The following EFNA5 variants were observed in gnomAD, a reference collection of about 807,000 sequenced individuals.
EFNA5 encodes ephrin-A5.
EFNA5 carries 5 observed loss-of-function variants against 22.9 expected under a neutral mutation model. That is an observed-to-expected ratio of 0.22 (90% confidence interval 0.11 to 0.46). The LOEUF (loss-of-function observed/expected upper bound fraction) is 0.46, where lower values mean the gene tolerates loss of function less well. EFNA5 is among the 20% of genes least tolerant of loss of function. EFNA5 has a pLI of 0.99. For missense variants in EFNA5, 237 were observed against 293.3 expected (o/e 0.81, Z 1.40); for synonymous variants, 113 against 112.2 (o/e 1.01, Z -0.04).
intron 1 of EFNA5, among the ~76,000 whole-genome samples, chr5:107,636,354 G>A (rs1481752148): frequency 6.6e-6 from 1 of 152,134 alleles, no homozygotes; most frequent in East Asian, 1.9e-4. Context: ...CAAGGATGGC[G>A]AACAGAATTT....
Position 107,531,209 on chromosome 5 carries a change from T to C in EFNA5, c.126-103700A>G, listed in dbSNP as rs146951741. ...ATTCTGGTTAACTGTAAGCTCACCC[T>C]GGATCAGTGACACACAGCTGCCTCT... On this transcript the variant is annotated intron_variant, in intron 1 of 4. Transcript: ENST00000333274. Among the ~76,000 whole-genome samples, 435 of 152,358 alleles carry C rather than the reference T, an allele frequency of 2.9e-3. 1 individual carries two copies. The highest frequency in any genetic ancestry group is 0.01 in the African/African-American group (421 of 41,588).
chr5:107,643,086 C>G (rs1353047593), intron 1 of EFNA5, among the ~76,000 whole-genome samples: 1 of 152,004 alleles, frequency 6.6e-6, no homozygotes, highest in Non-Finnish European at 1.5e-5. Context: ...TTAGGAGGGC[C>G]TCAAAAAACA....
intron 1 of EFNA5, among the ~76,000 whole-genome samples, chr5:107,473,762 G>A (rs903858833): frequency 6.6e-6 from 1 of 151,406 alleles, no homozygotes; most frequent in African/African-American, 2.4e-5. Context: ...CCGGGTTCAA[G>A]TGATTCTCCT....
chr5:107,426,805 C>T (rs531374731), intron 2 of EFNA5, among the ~76,000 whole-genome samples: 2 of 152,328 alleles, frequency 1.3e-5, no homozygotes, highest in African/African-American at 4.8e-5. Context: ...TTGGCTTCCT[C>T]CACTGAAAAT....
chr5:107,506,681 G>A (rs906528262), intron 1 of EFNA5, among the ~76,000 whole-genome samples: 2 of 152,138 alleles, frequency 1.3e-5, no homozygotes, highest in African/African-American at 4.8e-5. Flanking sequence ...GCACTAGAGA[G>A]TCTTGAGCAT....
chr5:107,522,693 T>C (rs1747622111), intron 1 of EFNA5, among the ~76,000 whole-genome samples: 1 of 152,204 alleles, frequency 6.6e-6, no homozygotes, highest in South Asian at 2.1e-4. Flanking sequence ...GCCTGGCCTC[T>C]TTCTAATTTT....
At chr5:107,487,964 A>G (rs1017529383) in intron 1 of EFNA5, among the ~76,000 whole-genome samples, 6 of 152,232 alleles carry the variant, frequency 3.9e-5, no homozygotes, top group Non-Finnish European at 7.3e-5. Flanking sequence ...CTTAAAGGGG[A>G]GTATTGCCTA....
chr5:107,596,593 G>A (rs1749477830), intron 1 of EFNA5, among the ~76,000 whole-genome samples: 1 of 152,020 alleles, frequency 6.6e-6, no homozygotes. Context: ...ATTTCTTTTA[G>A]AAAGTGATGA....
intron 1 of EFNA5, among the ~76,000 whole-genome samples, chr5:107,512,239 T>A (rs1464902143): frequency 1.3e-5 from 2 of 152,170 alleles, no homozygotes; most frequent in African/African-American, 4.8e-5. Flanking sequence ...AGACAGTGGC[T>A]GTCAATCAAT....
At chr5:107,413,401 T>C (rs1748421500) in intron 2 of EFNA5, among the ~76,000 whole-genome samples, 1 of 152,112 alleles carries the variant, frequency 6.6e-6, no homozygotes, top group Admixed American at 6.5e-5. Flanking sequence ...CATCAGACTC[T>C]AACTGACATC....
At chr5:107,515,737 T>C (rs1445883911) in intron 1 of EFNA5, among the ~76,000 whole-genome samples, 1 of 152,170 alleles carries the variant, frequency 6.6e-6, no homozygotes, top group East Asian at 1.9e-4. Context: ...ACAAATCAAA[T>C]CAATGTGTTA....
intron 1 of EFNA5, among the ~76,000 whole-genome samples, chr5:107,584,117 T>C (rs577972170): frequency 6.6e-6 from 1 of 152,264 alleles, no homozygotes; most frequent in Admixed American, 6.5e-5. Context: ...ATCACTGAGG[T>C]CCAGGCTACT....
intron 1 of EFNA5, among the ~76,000 whole-genome samples, chr5:107,535,799 TA>T (rs1269058520): frequency 6.6e-6 from 1 of 152,218 alleles, no homozygotes; most frequent in Non-Finnish European, 1.5e-5. Context: ...AGATCATCAC[TA>T]TCATTACTCC....
At chr5:107,586,582 C>T (rs1229853459) in intron 1 of EFNA5, among the ~76,000 whole-genome samples, 1 of 152,148 alleles carries the variant, frequency 6.6e-6, no homozygotes, top group East Asian at 1.9e-4. Context: ...GTTTTTATTA[C>T]CCCTCTACCC....
At chr5:107,384,536 C>A (rs1334816611) in intron 4 of EFNA5, among the ~76,000 whole-genome samples, 1 of 152,150 alleles carries the variant, frequency 6.6e-6, no homozygotes, top group Non-Finnish European at 1.5e-5. Context: ...TGGGTCTACA[C>A]CCAGAGCTGG....
At chr5:107,608,526 T>C (rs1340956350) in intron 1 of EFNA5, among the ~76,000 whole-genome samples, 1 of 152,238 alleles carries the variant, frequency 6.6e-6, no homozygotes, top group Non-Finnish European at 1.5e-5. Context: ...CAGCTGAATA[T>C]GTTCTTTGCA....
chr5:107,511,002 T>G (rs1030510974), intron 1 of EFNA5, among the ~76,000 whole-genome samples: 4 of 140,402 alleles, frequency 2.8e-5, no homozygotes, highest in South Asian at 2.3e-4. Context: ...TTCTTTTTCT[T>G]TGTGTGTGTG....
chr5:107,604,189 TA>T (rs1749661651), intron 1 of EFNA5, among the ~76,000 whole-genome samples: 2 of 152,320 alleles, frequency 1.3e-5, no homozygotes, highest in South Asian at 4.1e-4. Flanking sequence ...TTTATTTATT[TA>T]TTTTTTAAGA....
chr5:107,618,828 T>C (rs1329431430), intron 1 of EFNA5, among the ~76,000 whole-genome samples: 1 of 152,204 alleles, frequency 6.6e-6, no homozygotes, highest in African/African-American at 2.4e-5. Context: ...CTTTTCATAT[T>C]TTTGCTTAGA....
Sources: allele counts gnomAD v4.1 joint callset (sites outside exome capture counted in the v4.1 genomes callset), GRCh38; gene constraint gnomAD v4.1.1; transcripts MANE v1.5; gene names NCBI Gene and HGNC (gene_info 2026-07-23, HGNC 2026-07-21).